KCNQ1: variants seen among roughly 807,000 people sequenced by gnomAD.
KCNQ1 encodes the protein potassium voltage-gated channel subfamily Q member 1.
A neutral mutation model predicts 72.4 loss-of-function variants in KCNQ1; 49 were observed. The ratio of observed to expected loss-of-function variants is 0.68; its 90% CI spans 0.54 to 0.86. The LOEUF (loss-of-function observed/expected upper bound fraction) is 0.86, where lower values mean the gene tolerates loss of function less well. Among genes scored for constraint, KCNQ1 ranks in the 40% least tolerant of loss-of-function variants. KCNQ1 has a pLI of 0.00. For synonymous variants in KCNQ1, 450 were observed against 412.6 expected, an observed-to-expected ratio of 1.09 and a Z score of -1.10; for missense variants, 790 against 945.1, an observed-to-expected ratio of 0.84 and a Z score of 2.15.
rs1465973978 is a variant in KCNQ1, at chr11:2,663,720, C to T, written c.1514+1639C>T. 5.0e-6 allele frequency: 2 copies of T among 398,716 alleles called. No individual in the cohort carries two copies. Among genetic ancestry groups the T allele is most frequent in the East Asian group, 7.1e-5 (2 of 28,078 alleles). 24.7% of individuals were successfully genotyped at this position (398,716 alleles called of 1,614,324 possible). On this transcript the variant is annotated intron_variant, in intron 11 of 15. Coordinates refer to ENST00000155840, the MANE Select transcript of KCNQ1 (RefSeq NM_000218.3). The surrounding 1 kb of genome is among the most constrained non-coding windows in gnomAD (Gnocchi z 5.2). Reference sequence around the variant, plus strand: ...TTACCAACTCTTGGGTCTTGCAAGGCCCCTGCAGGTGAAGGTGGTGAGAGA... The same window carrying T: ...TTACCAACTCTTGGGTCTTGCAAGGTCCCTGCAGGTGAAGGTGGTGAGAGA...
In KCNQ1 at chr11:2,698,446, C is replaced by G. The variant is rs913834142; in HGVS notation, c.1514+36365C>G. Reference sequence around the variant, plus strand: ...TCAAGCCTACTACCCAGACTGAGACCTGCATCTGATCAACTCTCATCTCCA... The same window carrying G: ...TCAAGCCTACTACCCAGACTGAGACGTGCATCTGATCAACTCTCATCTCCA... On this transcript the variant is annotated intron_variant, in intron 11 of 15. Coordinates refer to ENST00000155840, the MANE Select transcript of KCNQ1 (RefSeq NM_000218.3). The surrounding 1 kb of genome is among the most constrained non-coding windows in gnomAD (Gnocchi z 5.1). 2 of 310,114 alleles carry G rather than the reference C, an allele frequency of 6.4e-6. No individual in the cohort carries two copies. Among genetic ancestry groups the G allele is most frequent in the Non-Finnish European group, 1.0e-5 (2 of 191,146 alleles). The allele number at this position is 310,114 out of a possible 1,614,324, so 19.2% of individuals were successfully genotyped here.
intron 15 of KCNQ1, among the ~76,000 whole-genome samples, chr11:2,819,804 G>A (rs1408163882): frequency 6.6e-6 from 1 of 152,092 alleles, no homozygotes; most frequent in Non-Finnish European, 1.5e-5. Context: ...TCTCCCCAAT[G>A]GGTTTATGTT....
At chr11:2,834,983 C>T (rs982302489) in intron 15 of KCNQ1, among the ~76,000 whole-genome samples, 1 of 152,194 alleles carries the variant, frequency 6.6e-6, no homozygotes, top group Non-Finnish European at 1.5e-5. Flanking sequence ...GGCCTGGCCT[C>T]CAACCTGGCC....
At position 2,475,179 on chromosome 11, in the gene KCNQ1, C is replaced by T. The variant is rs1486716587; in HGVS notation, c.386+29695C>T. On this transcript the variant is annotated intron_variant, in intron 1 of 15. Transcript: ENST00000155840. The surrounding 1 kb of genome is among the most constrained non-coding windows in gnomAD (Gnocchi z 5.8). ...CCCCAGCTCCTGACAACCACAAGCC[C>T]ACTTTCTGCCCCTGGATTTAGCTAT... Among the ~76,000 whole-genome samples, 4 of 152,116 alleles carry T rather than the reference C, an allele frequency of 2.6e-5. No individual in the cohort carries two copies. The highest frequency in any genetic ancestry group is 4.4e-5 in the Non-Finnish European group (3 of 68,038).
At chr11:2,449,435 G>A (rs1846092600) in intron 1 of KCNQ1, among the ~76,000 whole-genome samples, 1 of 152,220 alleles carries the variant, frequency 6.6e-6, no homozygotes, top group Non-Finnish European at 1.5e-5. Context: ...GTACCGATGG[G>A]ATGAACTTCC....
At chr11:2,648,945 T>G in intron 10 of KCNQ1, 1 of 397,774 alleles carries the variant, frequency 2.5e-6, no homozygotes, top group Non-Finnish European at 4.4e-6. Flanking sequence ...CCATTTATAA[T>G]TATATAATGA....
At chr11:2,696,289 G>C (rs975514087) in intron 11 of KCNQ1, 1 of 398,432 alleles carries the variant, frequency 2.5e-6, no homozygotes, top group African/African-American at 2.1e-5. Flanking sequence ...CTTTTCCTAG[G>C]GGCTCAGTTA....
At chr11:2,532,299 A>G (rs1847652947) in intron 2 of KCNQ1, among the ~76,000 whole-genome samples, 1 of 152,164 alleles carries the variant, frequency 6.6e-6, no homozygotes, top group South Asian at 2.1e-4. Context: ...TCCCTGCATC[A>G]AATGCATAGG....
chr11:2,662,825 C>G (rs1004191128), intron 11 of KCNQ1: 2 of 398,758 alleles, frequency 5.0e-6, no homozygotes, highest in Non-Finnish European at 8.8e-6. Context: ...CGCGGCCCTT[C>G]TGAGGGTCAC....
At chr11:2,837,223 G>C (rs1228024383) in intron 15 of KCNQ1, among the ~76,000 whole-genome samples, 1 of 152,164 alleles carries the variant, frequency 6.6e-6, no homozygotes, top group Admixed American at 6.5e-5. Context: ...GAGAGGCCTG[G>C]GTGGAGACAG....
In KCNQ1 at chr11:2,468,115, C is replaced by A. The variant is rs1846380070; in HGVS notation, c.386+22631C>A. 6.6e-6 allele frequency among the ~76,000 whole-genome samples: 1 copy of A among 152,246 alleles called. No individual in the cohort carries two copies. The highest frequency in any genetic ancestry group is 2.4e-5 in the African/African-American group (1 of 41,464). ...TGCACTGTCTCTCCTGGGCTCCCAA[C>A]CTTTCACAGGCCACAGGCCCATTCC... On this transcript the variant is annotated intron_variant, in intron 1 of 15. Transcript: ENST00000155840. The surrounding 1 kb of genome is among the most constrained non-coding windows in gnomAD (Gnocchi z 5.7).
In KCNQ1 at chr11:2,736,791, G is replaced by A. The variant is rs2283225; in HGVS notation, c.1515-32053G>A. Among the ~76,000 whole-genome samples the A allele has an allele frequency of 0.013, 2,024 of 152,326 alleles. 87 individuals carry two copies. The East Asian group carries it at 0.14, about 11-fold the overall frequency. ...GTGGGTTCCTGGCTGGCTGGCATGC[G>A]CCCTGCGCCTCTGCTGGGCCTGGTG... On this transcript the variant is annotated intron_variant, in intron 11 of 15. Transcript: ENST00000155840.
rs1848838217 is a variant in KCNQ1 at position 2,603,664 on chromosome 11, T to C, written c.1393+14810T>C. On this transcript the variant is annotated intron_variant, in intron 10 of 15. Coordinates refer to ENST00000155840, the MANE Select transcript of KCNQ1 (RefSeq NM_000218.3). The surrounding 1 kb of genome is among the most constrained non-coding windows in gnomAD (Gnocchi z 4.1). ...TGTGACTGGTTACTTTCACTTAGCA[T>C]CATGTTTTCAAGGTTTGTGCTTCAG... Among the ~76,000 whole-genome samples the C allele has an allele frequency of 6.6e-6, 1 of 152,176 alleles. No homozygotes were observed. The highest frequency in any genetic ancestry group is 2.4e-5 in the African/African-American group (1 of 41,428).
In KCNQ1 at chr11:2,727,486, G is replaced by A. The variant is rs567043380; in HGVS notation, c.1515-41358G>A. Among the ~76,000 whole-genome samples, 260 of 152,278 alleles carry A rather than the reference G, an allele frequency of 1.7e-3. 1 individual carries two copies. The highest frequency in any genetic ancestry group is 6.1e-3 in the African/African-American group (252 of 41,560). On this transcript the variant is annotated intron_variant, in intron 11 of 15. Transcript: ENST00000155840. Reference sequence around the variant, plus strand: ...GGGGAAATCCTACCCCAGACTCGAGGAATAAAGAGGAGGAGGAGGTTGCCT... The same window carrying A: ...GGGGAAATCCTACCCCAGACTCGAGAAATAAAGAGGAGGAGGAGGTTGCCT...
At chr11:2,709,691 A>G (rs1457877363) in intron 11 of KCNQ1, among the ~76,000 whole-genome samples, 1 of 151,676 alleles carries the variant, frequency 6.6e-6, no homozygotes, top group Non-Finnish European at 1.5e-5. Flanking sequence ...TTCTATCTCC[A>G]CGGGTTTGCC....
chr11:2,822,100 G>T (rs1395728887), intron 15 of KCNQ1, among the ~76,000 whole-genome samples: 1 of 152,228 alleles, frequency 6.6e-6, no homozygotes, highest in Non-Finnish European at 1.5e-5. Context: ...GTGCTGTGCT[G>T]CTGGCTTTGA....
At chr11:2,610,938 A>T (rs1848971280) in intron 10 of KCNQ1, 1 of 398,034 alleles carries the variant, frequency 2.5e-6, no homozygotes, top group East Asian at 3.6e-5. Flanking sequence ...CACTCTGAAT[A>T]ATTGATAGAA....
intron 15 of KCNQ1, among the ~76,000 whole-genome samples, chr11:2,799,096 G>A (rs1847205439): frequency 6.6e-6 from 1 of 152,238 alleles, no homozygotes; most frequent in African/African-American, 2.4e-5. Context: ...CTAGGAAGAG[G>A]ACACCAGCTG....
At chr11:2,778,196 GGCCCACT>G (rs1378661451) in intron 15 of KCNQ1, among the ~76,000 whole-genome samples, 159 bp downstream of exon 15, 1 of 152,258 alleles carries the variant, frequency 6.6e-6, no homozygotes, top group Admixed American at 6.5e-5. Flanking sequence ...GAGGGGCCCA[GGCCCACT>G]GCCCACCTGG....
Sources: allele counts gnomAD v4.1 joint callset (sites outside exome capture counted in the v4.1 genomes callset), GRCh38; gene constraint gnomAD v4.1.1; non-coding constraint Gnocchi (gnomAD v3.1); transcripts MANE v1.5; gene names NCBI Gene and HGNC (gene_info 2026-07-23, HGNC 2026-07-21).